The following TCAF1 variants were observed in gnomAD, a reference collection of about 807,000 sequenced individuals.
TCAF1 encodes the protein TRPM8 channel-associated factor 1.
Under a neutral mutation model 27.3 loss-of-function variants are expected in TCAF1, and 4 were observed. The ratio of observed to expected loss-of-function variants is 0.15; its 90% CI spans 0.07 to 0.34. TCAF1 has a LOEUF of 0.34. Among genes scored for constraint, TCAF1 ranks in the 10% least tolerant of loss-of-function variants. TCAF1 has a pLI of 1.00. For synonymous variants in TCAF1, 105 were observed against 167.1 expected (o/e 0.63, Z 2.87); for missense variants, 257 against 425.8 (o/e 0.60, Z 3.49).
intron 1 of TCAF1, among the ~76,000 whole-genome samples, chr7:143,891,597 A>G (rs1286151690): frequency 6.6e-6 from 1 of 152,178 alleles, no homozygotes; most frequent in Non-Finnish European, 1.5e-5. Flanking sequence ...AGAAAACATG[A>G]TACACAAAGA....
chr7:143,895,153 C>T (rs953582146), intron 1 of TCAF1, among the ~76,000 whole-genome samples: 1 of 151,678 alleles, frequency 6.6e-6, no homozygotes, highest in Non-Finnish European at 1.5e-5. Flanking sequence ...AGCTATGTGG[C>T]AAAACTGTCT....
intron 1 of TCAF1, among the ~76,000 whole-genome samples, chr7:143,892,799 C>T (rs906816480): frequency 3.3e-5 from 5 of 151,970 alleles, no homozygotes; most frequent in African/African-American, 4.8e-5. Context: ...CTTTATAAGA[C>T]GAGAACGAGA....
chr7:143,888,832 C>T (rs933174898), intron 1 of TCAF1, among the ~76,000 whole-genome samples: 1 of 152,050 alleles, frequency 6.6e-6, no homozygotes, highest in African/African-American at 2.4e-5. Context: ...GAAAGACAGC[C>T]ATTACAAACA....
In TCAF1 at chr7:143,895,424, A is replaced by C. The variant is rs924123357; in HGVS notation, c.-15+6537T>G. On this transcript the variant is annotated intron_variant, in intron 1 of 8. Transcript: ENST00000479870. ...ACAAAAGGATACCTGTTTATGACTC[A>C]ATTTATGTGAAGATCAAGATTGGAC... is the stretch of plus-strand genomic sequence containing the variant. Among the ~76,000 whole-genome samples the C allele has an allele frequency of 2.6e-5, 4 of 151,990 alleles. No individual in the cohort carries two copies. The South Asian group carries it at 6.2e-4, about 24-fold the overall frequency.
intron 1 of TCAF1, chr7:143,882,617 C>T (rs1254947423): frequency 4.1e-6 from 4 of 985,430 alleles, no homozygotes; most frequent in African/African-American, 1.7e-5. Flanking sequence ...GCGCACCCAT[C>T]GCGCCCCGCA....
At chr7:143,895,638 GT>G (rs966014073) in intron 1 of TCAF1, among the ~76,000 whole-genome samples, 8 of 149,964 alleles carry the variant, frequency 5.3e-5, no homozygotes, top group Admixed American at 1.3e-4. Flanking sequence ...ATAACTCAGG[GT>G]TTTTTTTTGT....
At chr7:143,887,969 C>T (rs1245784527) in intron 1 of TCAF1, among the ~76,000 whole-genome samples, 2 of 152,208 alleles carry the variant, frequency 1.3e-5, no homozygotes, top group Non-Finnish European at 2.9e-5. Context: ...AACACAAAGG[C>T]GACTTCTGGG....
intron 1 of TCAF1, chr7:143,882,001 T>C (rs1217970470): frequency 1.3e-5 from 2 of 148,322 alleles, no homozygotes; most frequent in Non-Finnish European, 3.0e-5. Context: ...ATGCACAGTG[T>C]GTGAGAAGGG....
At chr7:143,899,512 C>T (rs964222662) in intron 1 of TCAF1, among the ~76,000 whole-genome samples, 18 of 152,040 alleles carry the variant, frequency 1.2e-4, no homozygotes, top group African/African-American at 4.1e-4. Flanking sequence ...AGACTAATTG[C>T]CAAAGGCAAA....
chr7:143,892,415 T>C (rs1280723685), intron 1 of TCAF1, among the ~76,000 whole-genome samples: 1 of 150,584 alleles, frequency 6.6e-6, no homozygotes, highest in East Asian at 1.9e-4. Context: ...ATTCAAAATA[T>C]TGAAGAAAAA....
intron 1 of TCAF1, among the ~76,000 whole-genome samples, chr7:143,880,902 G>C (rs1812978814): frequency 6.6e-6 from 1 of 152,108 alleles, no homozygotes; most frequent in South Asian, 2.1e-4. Context: ...TAAAACCTGG[G>C]GGAAATGTCC....
At chr7:143,891,649 G>A (rs759864046) in intron 1 of TCAF1, among the ~76,000 whole-genome samples, 1 of 151,988 alleles carries the variant, frequency 6.6e-6, no homozygotes, top group East Asian at 1.9e-4. Context: ...TTATGAGATA[G>A]GGTGAAAAGT....
chr7:143,878,126 A>T (rs1812820050), intron 1 of TCAF1, among the ~76,000 whole-genome samples: 1 of 152,228 alleles, frequency 6.6e-6, no homozygotes, highest in African/African-American at 2.4e-5. Context: ...TGTCCTGAGG[A>T]TTAAGGGAAA....
chr7:143,875,895 G>T, intron 2 of TCAF1, 94 bp downstream of exon 2: 1 of 1,121,762 alleles, frequency 8.9e-7, no homozygotes, highest in Non-Finnish European at 1.3e-6. Flanking sequence ...GTGCCTGGGA[G>T]CACTCTTCTG....
At chr7:143,888,468 T>C (rs1586792101) in intron 1 of TCAF1, among the ~76,000 whole-genome samples, 1 of 152,200 alleles carries the variant, frequency 6.6e-6, no homozygotes, top group East Asian at 1.9e-4. Flanking sequence ...TAAAGGTAAA[T>C]AGGAAGTAAA....
At chr7:143,895,640 T>A (rs1238919598) in intron 1 of TCAF1, among the ~76,000 whole-genome samples, 1 of 151,484 alleles carries the variant, frequency 6.6e-6, no homozygotes, top group Non-Finnish European at 1.5e-5. Context: ...AACTCAGGGT[T>A]TTTTTTTGTA....
At position 143,894,833 on chromosome 7, in the gene TCAF1, T is replaced by C. The variant is rs531504412; in HGVS notation, c.-15+7128A>G. Among the ~76,000 whole-genome samples, 11 of 151,706 alleles carry C rather than the reference T, an allele frequency of 7.3e-5. No individual in the cohort carries two copies. The South Asian group carries it at 8.3e-4, about 11-fold the overall frequency. The stretch of plus-strand genomic sequence containing the variant: ...CAAATCGCTGATACAAGAAAAAATA[T>C]ATATGCATATTCGGAATATAATTTA... On this transcript the variant is annotated intron_variant, in intron 1 of 8. Coordinates refer to ENST00000479870, the MANE Select transcript of TCAF1 (RefSeq NM_014719.3).
chr7:143,888,756 C>T (rs1349382988), intron 1 of TCAF1, among the ~76,000 whole-genome samples: 1 of 152,156 alleles, frequency 6.6e-6, no homozygotes, highest in Non-Finnish European at 1.5e-5. Flanking sequence ...CAAAAATTCA[C>T]ATGAAAGGAG....
In TCAF1 at chr7:143,882,793, G is replaced by A. The variant is rs1813145230; in HGVS notation, c.-14-6171C>T. 5 of 985,700 alleles carry A rather than the reference G, an allele frequency of 5.1e-6. No individual in the cohort carries two copies. In the Admixed American group the frequency reaches 2.5e-4, roughly 48 times the overall value. 61.1% of individuals were successfully genotyped at this position (985,700 alleles called of 1,614,324 possible). ...GGGAGCGGGCAGAGCCTGGCGCAGA[G>A]AGGAATGCACAGGGAAGAGGCTTCC... On this transcript the variant is annotated intron_variant, in intron 1 of 8. Transcript: ENST00000479870.
Sources: allele counts gnomAD v4.1 joint callset (sites outside exome capture counted in the v4.1 genomes callset), GRCh38; gene constraint gnomAD v4.1.1; transcripts MANE v1.5; gene names NCBI Gene and HGNC (gene_info 2026-07-23, HGNC 2026-07-21).